SYTL5: variants seen among roughly 807,000 people sequenced by gnomAD.
SYTL5 encodes synaptotagmin like 5.
Under a neutral mutation model 55.9 loss-of-function variants are expected in SYTL5, and 34 were observed. The observed-to-expected ratio is 0.61, with a 90% CI of 0.46 to 0.81. The LOEUF (loss-of-function observed/expected upper bound fraction) is 0.81. Among genes scored for constraint, SYTL5 ranks in the 30% least tolerant of loss-of-function variants. SYTL5 has a pLI of 0.00. For missense variants in SYTL5, 637 were observed against 546.7 expected (o/e 1.17, Z -1.65); for synonymous variants, 221 against 188.7 (o/e 1.17, Z -1.40).
the SYTL5 span, among the ~76,000 whole-genome samples, chrX:37,979,231 G>A: frequency 1.8e-5 from 2 of 110,062 alleles, no homozygotes; most frequent in Non-Finnish European, 3.8e-5. Flanking sequence ...AAAAGTGGGC[G>A]GGAGGGGAAA....
chrX:38,085,611 A>T (rs73632453), intron 6 of SYTL5, among the ~76,000 whole-genome samples: 10,455 of 111,361 alleles, frequency 0.094, 835 homozygotes, highest in African/African-American at 0.24. Flanking sequence ...CTCAGAGAGA[A>T]TATTTTGCAT....
At chrX:38,056,471 G>T (rs1935786807) in intron 3 of SYTL5, among the ~76,000 whole-genome samples, 1 of 111,202 alleles carries the variant, frequency 9.0e-6, no homozygotes, top group African/African-American at 3.3e-5. Flanking sequence ...TTTTCTTTTG[G>T]GTATATACCT....
At chrX:38,019,628 A>ATTTG (rs760329908) in intron 1 of SYTL5, among the ~76,000 whole-genome samples, 7 of 110,472 alleles carry the variant, frequency 6.3e-5, no homozygotes, top group Admixed American at 3.8e-4. Flanking sequence ...TTTGTTTTTT[A>ATTTG]TTTGTTTGTT....
chrX:37,905,559 C>A, the SYTL5 span, among the ~76,000 whole-genome samples: 15 of 110,055 alleles, frequency 1.4e-4, no homozygotes, highest in African/African-American at 5.0e-4. Context: ...GGCTGAGAGG[C>A]TTCCGGAGCC....
At chrX:38,062,808 G>T (rs138584202) in intron 3 of SYTL5, among the ~76,000 whole-genome samples, 27 of 111,823 alleles carry the variant, frequency 2.4e-4, no homozygotes, top group Non-Finnish European at 5.1e-4. Context: ...TGTTGAAACC[G>T]CAAATTACCG....
chrX:38,001,764 G>A (rs1275177633), upstream of SYTL5, among the ~76,000 whole-genome samples: 1 of 111,739 alleles, frequency 8.9e-6, no homozygotes, highest in African/African-American at 3.3e-5. Context: ...ATATGGGAGT[G>A]CAGATATCTC....
upstream of SYTL5, among the ~76,000 whole-genome samples, chrX:38,002,021 C>A (rs1459911920): frequency 1.8e-5 from 2 of 109,626 alleles, no homozygotes; most frequent in South Asian, 8.1e-4. Context: ...CCCACTCCCC[C>A]CACCCCACAA....
chrX:37,996,026 G>A, the SYTL5 span, among the ~76,000 whole-genome samples: 1 of 111,574 alleles, frequency 9.0e-6, no homozygotes, highest in African/African-American at 3.3e-5. Context: ...ACCTTGTAAG[G>A]ACCCGGGCTT....
chrX:37,988,693 T>C, the SYTL5 span, among the ~76,000 whole-genome samples: 34 of 112,340 alleles, frequency 3.0e-4, no homozygotes, highest in African/African-American at 1.1e-3. Context: ...AACACCTAAA[T>C]TATCATAAAC....
At chrX:38,003,217 A>G (rs949568695), upstream of SYTL5, among the ~76,000 whole-genome samples, 1 of 111,178 alleles carries the variant, frequency 9.0e-6, no homozygotes, top group Non-Finnish European at 1.9e-5. Context: ...GTTCTGTTCC[A>G]TTGGTCTATA....
the SYTL5 span, among the ~76,000 whole-genome samples, chrX:37,926,928 T>G: frequency 4.5e-5 from 5 of 112,091 alleles, no homozygotes; most frequent in African/African-American, 9.7e-5. Flanking sequence ...TAGAGACAGA[T>G]CTACCACTTA....
chrX:38,108,778 TTTTA>T (rs1376213963), intron 12 of SYTL5, 79 bp downstream of exon 12: 1 of 618,992 alleles, frequency 1.6e-6, no homozygotes, highest in Non-Finnish European at 2.5e-6. Flanking sequence ...ACAGAGAATA[TTTTA>T]TTTGTGTGTC....
chrX:38,095,524 G>A (rs950183530), intron 8 of SYTL5, among the ~76,000 whole-genome samples: 2 of 111,918 alleles, frequency 1.8e-5, no homozygotes, highest in Admixed American at 1.9e-4. Flanking sequence ...GCATTACTAA[G>A]AGGTGCATTG....
chrX:38,115,273 A>G (rs1481687550), intron 13 of SYTL5, among the ~76,000 whole-genome samples: 2 of 102,549 alleles, frequency 2.0e-5, no homozygotes, highest in African/African-American at 7.8e-5. Context: ...TCACGAGGTC[A>G]GGAGATCGAG....
chrX:37,925,405 TGGG>T, the SYTL5 span, among the ~76,000 whole-genome samples: 2 of 111,274 alleles, frequency 1.8e-5, no homozygotes, highest in Non-Finnish European at 3.8e-5. Flanking sequence ...TTACCAACAC[TGGG>T]ATTGCTGGAG....
the SYTL5 span, among the ~76,000 whole-genome samples, chrX:37,997,430 T>C: frequency 8.9e-6 from 1 of 112,421 alleles, no homozygotes; most frequent in Non-Finnish European, 1.9e-5. Flanking sequence ...CAGGCATCCC[T>C]ACCCTCTTGG....
the SYTL5 span, among the ~76,000 whole-genome samples, chrX:37,944,898 G>A: frequency 8.9e-6 from 1 of 112,317 alleles, no homozygotes; most frequent in Non-Finnish European, 1.9e-5. Context: ...CCAAGTCCTT[G>A]CCTCAGGGTC....
the SYTL5 span, among the ~76,000 whole-genome samples, chrX:37,957,489 T>G: frequency 3.6e-5 from 4 of 111,991 alleles, no homozygotes; most frequent in African/African-American, 1.3e-4. Flanking sequence ...ATTTCATACT[T>G]TTGCAAGTGA....
At chrX:37,986,168 T>C in the SYTL5 span, among the ~76,000 whole-genome samples, 2 of 111,678 alleles carry the variant, frequency 1.8e-5, no homozygotes, top group African/African-American at 6.5e-5. Context: ...GCACTTTATT[T>C]TTATCAAAAT....
Sources: allele counts gnomAD v4.1 joint callset (sites outside exome capture counted in the v4.1 genomes callset), GRCh38; gene constraint gnomAD v4.1.1; transcripts MANE v1.5; gene names NCBI Gene and HGNC (gene_info 2026-07-23, HGNC 2026-07-21).